SULF2: variants seen among roughly 807,000 people sequenced by gnomAD.
SULF2 encodes the protein extracellular sulfatase Sulf-2.
Under a neutral mutation model 107.7 loss-of-function variants are expected in SULF2, and 52 were observed. The observed-to-expected ratio is 0.48, with a 90% confidence interval of 0.39 to 0.61. SULF2 has a LOEUF of 0.61. Among genes scored for constraint, SULF2 ranks in the 20% least tolerant of loss-of-function variants. SULF2 has a pLI of 0.00. For synonymous variants in SULF2, 460 were observed against 464.3 expected, an observed-to-expected ratio of 0.99 and a Z score of 0.12; for missense variants, 993 against 1,177.3, an observed-to-expected ratio of 0.84 and a Z score of 2.29.
At chr20:47,726,087 G>A (rs1283664326) in intron 3 of SULF2, among the ~76,000 whole-genome samples, 2 of 152,114 alleles carry the variant, frequency 1.3e-5, no homozygotes, top group Admixed American at 6.6e-5. Flanking sequence ...TTACAGATGA[G>A]GAATCACGGA....
chr20:47,717,855 C>T (rs1448344762), intron 3 of SULF2, among the ~76,000 whole-genome samples: 4 of 150,230 alleles, frequency 2.7e-5, no homozygotes, highest in African/African-American at 9.8e-5. Context: ...GCTCTGTCAC[C>T]CAGGCTGGAG....
chr20:47,707,923 A>G (rs531124212), intron 3 of SULF2, among the ~76,000 whole-genome samples: 5 of 152,304 alleles, frequency 3.3e-5, no homozygotes, highest in Admixed American at 1.3e-4. Flanking sequence ...GAGTGAAACA[A>G]TCTAGGGTAA....
chr20:47,764,429 A>C (rs1331177963), intron 1 of SULF2, among the ~76,000 whole-genome samples: 1 of 152,130 alleles, frequency 6.6e-6, no homozygotes, highest in East Asian at 1.9e-4. Context: ...TTGAGGCCAC[A>C]AGTGCTCTTA....
In SULF2 at chr20:47,663,148, A is replaced by G. The variant is rs1337845937; in HGVS notation, c.2292T>C (p.Asn764=). The change falls in exon 17 of 21, where the codon AAT becomes AAC. Residue 764 remains asparagine, a synonymous_variant. Coordinates refer to ENST00000688720, the MANE Select transcript of SULF2 (RefSeq NM_001387048.1). ...CACAGAAGAGGAAATTGTGAGTCTC[A>G]TTGATGGTCCTCATGCACCAGTACG... ...NNTYWCMRTI[N]ETHNFLFCEF... The G allele has an allele frequency of 1.9e-6, 3 of 1,613,578 alleles. No individual in the cohort carries two copies. Among genetic ancestry groups the G allele is most frequent in the Non-Finnish European group, 1.7e-6 (2 of 1,179,476 alleles).
intron 18 of SULF2, among the ~76,000 whole-genome samples, chr20:47,660,705 C>A (rs1239251056): frequency 6.6e-6 from 1 of 152,104 alleles, no homozygotes; most frequent in Non-Finnish European, 1.5e-5. Flanking sequence ...AACTCCTGGG[C>A]TCAAGTCTCC....
At chr20:47,754,011 C>A (rs541459395) in intron 2 of SULF2, among the ~76,000 whole-genome samples, 1 of 152,208 alleles carries the variant, frequency 6.6e-6, no homozygotes, top group Non-Finnish European at 1.5e-5. Flanking sequence ...AGGCCACTTA[C>A]GAACTAGTAT....
At chr20:47,745,422 T>TAA (rs1213398495) in intron 2 of SULF2, among the ~76,000 whole-genome samples, 522 of 4,700 alleles carry the variant, frequency 0.11, 36 homozygotes, top group African/African-American at 0.33. Context: ...TATATATATA[T>TAA]ATATATATAT....
At position 47,694,318 on chromosome 20, in the gene SULF2, A is replaced by T. The variant is rs890640527; in HGVS notation, c.568-4023T>A. ...GGTGCGGGAGGGGCGGGTGACCCCC[A>T]CCCCTGTTGGTCTCTGGTTTGGGCA... On this transcript the variant is annotated intron_variant, in intron 4 of 20. Coordinates refer to ENST00000688720, the MANE Select transcript of SULF2 (RefSeq NM_001387048.1). This position sits in a 1 kb window ranked among gnomAD's most constrained non-coding sequence, Gnocchi z 4.4. Among the ~76,000 whole-genome samples the T allele has an allele frequency of 6.6e-6, 1 of 151,486 alleles. No individual in the cohort carries two copies. The highest frequency in any genetic ancestry group is 2.4e-5 in the African/African-American group (1 of 41,162).
rs1255330963 is a variant in SULF2, at chr20:47,676,524, C to T, written c.1350G>A (p.Glu450=). Residue 450 remains glutamate (E), a synonymous_variant, in exon 10 of 21, where the codon GAG becomes GAA. Coordinates refer to ENST00000688720, the MANE Select transcript of SULF2 (RefSeq NM_001387048.1). ...CCAGCTGCTCACACGCCGTCTGGTA[C>T]TCAGCACGCTGACACAGGTCCTTCA... ...QRVKDLCQRA[E]YQTACEQLGQ... 5 of 1,603,514 alleles carry T rather than the reference C, an allele frequency of 3.1e-6. No homozygotes were observed. The highest frequency in any genetic ancestry group is 4.3e-6 in the Non-Finnish European group (5 of 1,175,914).
Position 47,693,109 on chromosome 20 carries a change from G to C in SULF2, c.568-2814C>G, listed in dbSNP as rs1214209146. 3.3e-5 allele frequency among the ~76,000 whole-genome samples: 5 copies of C among 152,032 alleles called. No individual in the cohort carries two copies. In the East Asian group the frequency reaches 9.6e-4, roughly 29 times the overall value. On this transcript the variant is annotated intron_variant, in intron 4 of 20. Transcript: ENST00000688720. ...GGGGAGTAAAAACAATTTTATAAGG[G>C]GGCTCTACAGAATTTATTACATAAA...
At chr20:47,737,047 T>G (rs963444827) in intron 2 of SULF2, 105 bp from the exon 3 acceptor site, 2 of 1,524,366 alleles carry the variant, frequency 1.3e-6, no homozygotes, top group Non-Finnish European at 1.8e-6. Context: ...GTGGGCACAT[T>G]CTGCAGACCT....
At chr20:47,688,986 G>C (rs1362756180) in intron 5 of SULF2, among the ~76,000 whole-genome samples, 1 of 151,936 alleles carries the variant, frequency 6.6e-6, no homozygotes, top group Non-Finnish European at 1.5e-5. Context: ...GGGGTGGTCT[G>C]AGGCAGAGAG....
At position 47,684,469 on chromosome 20, in the gene SULF2, A is replaced by C; in HGVS notation, c.850T>G (p.Leu284Val). The change falls in exon 6 of 21, where the codon TTG becomes GTG. Residue 284 changes from leucine (L) to valine (V), a missense_variant. Physicochemically the swap from Leu to Val is conservative, Grantham distance 32. Coordinates refer to ENST00000688720, the MANE Select transcript of SULF2 (RefSeq NM_001387048.1). ...TCGTCCACCGACATGAGGGTCTGCA[A>C]GCGCTTCCGCTGGAGCATGTTGGTG... is the stretch of plus-strand genomic sequence containing the variant. ...EFTNMLQRKR[L>V]QTLMSVDDSM... The C allele has an allele frequency of 2.5e-6, 4 of 1,613,556 alleles. No individual in the cohort carries two copies. The highest frequency in any genetic ancestry group is 3.4e-6 in the Non-Finnish European group (4 of 1,179,810).
At position 47,684,425 on chromosome 20, in the gene SULF2, G is replaced by A. The variant is rs745570740; in HGVS notation, c.888+6C>T. 17 of 1,605,328 alleles carry A rather than the reference G, an allele frequency of 1.1e-5. No individual in the cohort carries two copies. Among genetic ancestry groups the A allele is most frequent in the African/African-American group, 6.7e-5 (5 of 74,498 alleles). On this transcript the variant is annotated splice_donor_region_variant and intron_variant, in intron 6 of 20. Coordinates refer to ENST00000688720, the MANE Select transcript of SULF2 (RefSeq NM_001387048.1). Reference sequence around the variant, plus strand: ...GCCCACCAAGAGGCATGCAGCGGGCGCCTACCGTCTCCATGGAGTCGTCCA... The same window carrying A: ...GCCCACCAAGAGGCATGCAGCGGGCACCTACCGTCTCCATGGAGTCGTCCA...
At chr20:47,677,485 A>G (rs767169120) in intron 8 of SULF2, among the ~76,000 whole-genome samples, 1 of 152,052 alleles carries the variant, frequency 6.6e-6, no homozygotes, top group Non-Finnish European at 1.5e-5. Context: ...CCCCGGCACT[A>G]GACGAGCTCT....
intron 1 of SULF2, among the ~76,000 whole-genome samples, chr20:47,764,364 A>G (rs1209805099): frequency 6.6e-6 from 1 of 152,224 alleles, no homozygotes; most frequent in African/African-American, 2.4e-5. Context: ...CAAAATATTT[A>G]CTGGCTTAAC....
rs368502016 is a variant in SULF2 at position 47,665,923 on chromosome 20, C to G, written c.1836G>C (p.Gln612His). 6.2e-7 allele frequency: 1 copy of G among 1,614,126 alleles called. No individual in the cohort carries two copies. The highest frequency in any genetic ancestry group is 2.2e-5 in the East Asian group (1 of 44,874). The change falls in exon 13 of 21, where the codon CAG (glutamine) becomes CAC (histidine). Residue 612 changes from glutamine (Q) to histidine (H), a missense_variant. By Grantham distance (24) the Gln-to-His change is conservative. Around this residue, in one of 3 missense-constraint regions of SULF2, gnomAD observed 497 missense variants for 544.1 expected, o/e 0.91. Transcript: ENST00000688720. ...RCYILENDTV[Q>H]CDLDLYKSLQ... The stretch of plus-strand genomic sequence containing the variant: ...GGGACTTGTACAGGTCCAGGTCACA[C>G]TGGACTGTGTCGTTCTCTAGGATGT...
chr20:47,783,739 A>G (rs2090872247), intron 1 of SULF2, among the ~76,000 whole-genome samples: 1 of 152,228 alleles, frequency 6.6e-6, no homozygotes, highest in Admixed American at 6.5e-5. Context: ...ATATAAATTT[A>G]GCTGGGGAAG....
At position 47,678,530 on chromosome 20, in the gene SULF2, G is replaced by GGGACCATGCTTCT; in HGVS notation, c.1193+145_1193+146insAGAAGCATGGTCC. ...GAGGGGACCATGCTTCTCTCCCACAGCAGGTAAGTGGTTGGCATGGCGGGA... is the reference window on the plus strand; with the variant it reads ...GAGGGGACCATGCTTCTCTCCCACAGGGACCATGCTTCTCAGGTAAGTGGTTGGCATGGCGGGA... On this transcript the variant is annotated intron_variant, in intron 8 of 20. Coordinates refer to ENST00000688720, the MANE Select transcript of SULF2 (RefSeq NM_001387048.1). The surrounding 1 kb of genome is among the most constrained non-coding windows in gnomAD (Gnocchi z 4.5). 9.1e-6 allele frequency: 9 copies of GGGACCATGCTTCT among 993,712 alleles called. No individual in the cohort carries two copies. The highest frequency in any genetic ancestry group is 1.6e-5 in the South Asian group (1 of 63,236). The allele number at this position is 993,712 out of a possible 1,614,324, so 61.6% of individuals were successfully genotyped here.
Sources: allele counts gnomAD v4.1 joint callset (sites outside exome capture counted in the v4.1 genomes callset), GRCh38; gene constraint gnomAD v4.1.1; regional missense constraint gnomAD v4.1.1; non-coding constraint Gnocchi (gnomAD v3.1); transcripts MANE v1.5; gene names NCBI Gene and HGNC (gene_info 2026-07-23, HGNC 2026-07-21).